Variants in RPL3 observed in about 807,000 individuals in gnomAD.
The protein encoded by RPL3 is large ribosomal subunit protein uL3.
In RPL3, 3 loss-of-function variants were observed where a neutral mutation model predicts 46.0. That is an observed-to-expected ratio of 0.07 (90% confidence interval 0.03 to 0.17). The LOEUF (loss-of-function observed/expected upper bound fraction) is 0.17. RPL3 is among the 10% of genes least tolerant of loss of function. RPL3 has a pLI of 1.00. For missense variants in RPL3, 387 were observed against 532.7 expected, an observed-to-expected ratio of 0.73 and a Z score of 2.69; for synonymous variants, 224 against 190.8, an observed-to-expected ratio of 1.17 and a Z score of -1.43.
rs62228399 is a variant in RPL3 at position 39,314,146 on chromosome 22, G to A, written c.912C>T (p.Ser304=). ...TCTTGTCAGATAGGTCATAGTCAGT[G>A]GAGGCATTGTTCTTGATCAGCTTGC... ...KDGKLIKNNA[S]TDYDLSDKSI... Residue 304 remains serine (S), a synonymous_variant, in exon 7 of 10, where the codon TCC becomes TCT. Coordinates refer to ENST00000216146, the MANE Select transcript of RPL3 (RefSeq NM_000967.4). 11 of 1,613,370 alleles carry A rather than the reference G, an allele frequency of 6.8e-6. No homozygotes were observed. In the East Asian group the frequency reaches 2.5e-4, roughly 36 times the overall value.
intron 2 of RPL3, 157 bp from the exon 3 acceptor site, chr22:39,317,786 A>AAT: frequency 2.8e-6 from 2 of 721,326 alleles, no homozygotes; most frequent in Non-Finnish European, 4.6e-6. Flanking sequence ...CCTATCTCTC[A>AAT]TTCAAAGCAC....
chr22:39,316,533 C>T (rs1922700688), intron 4 of RPL3, among the ~76,000 whole-genome samples, 173 bp downstream of exon 4: 1 of 152,164 alleles, frequency 6.6e-6, no homozygotes, highest in African/African-American at 2.4e-5. Context: ...TGGTGAGTCA[C>T]CAGTTGAATT....
At chr22:39,314,616 G>A in intron 6 of RPL3, 70 bp downstream of exon 6, 1 of 1,515,042 alleles carries the variant, frequency 6.6e-7, no homozygotes, top group Non-Finnish European at 8.9e-7. Flanking sequence ...AGCACTGACA[G>A]GCACAGAAAC....
rs201831569 is a variant in RPL3 at position 39,319,587 on chromosome 22, A to G, written c.3+8T>C. ...TGACAATGAAACGGCCGCCATTACAACACATACCATCACGCCATCAAATCC... is the reference window on the plus strand; with the variant it reads ...TGACAATGAAACGGCCGCCATTACAGCACATACCATCACGCCATCAAATCC... On this transcript the variant is annotated splice_region_variant and intron_variant, in intron 1 of 9. Transcript: ENST00000216146. The G allele has an allele frequency of 3.2e-6, 5 of 1,565,500 alleles. No homozygotes were observed.
intron 3 of RPL3, 109 bp from the exon 4 acceptor site, chr22:39,316,950 C>T: frequency 3.2e-6 from 5 of 1,566,152 alleles, no homozygotes; most frequent in South Asian, 1.1e-5. Flanking sequence ...GAGCTCATTG[C>T]CGGCTTCTAA....
intron 4 of RPL3, 131 bp downstream of exon 4, chr22:39,316,575 A>T (rs535454418): frequency 2.6e-4 from 305 of 1,159,300 alleles, no homozygotes; most frequent in Non-Finnish European, 3.2e-4. Flanking sequence ...GCTAAGGGCC[A>T]GTAAGGACAC....
At chr22:39,317,720 G>A (rs747267855) in intron 2 of RPL3, 91 bp from the exon 3 acceptor site, 20 of 1,479,428 alleles carry the variant, frequency 1.4e-5, no homozygotes, top group African/African-American at 5.6e-5. Context: ...CATTTAGGCC[G>A]GAAGGGCAAC....
rs1002052109 is a variant in RPL3 at position 39,316,707 on chromosome 22, T to C, written c.500A>G (p.Gln167Arg). The C allele has an allele frequency of 6.2e-7, 1 of 1,612,110 alleles. No individual in the cohort carries two copies. Among genetic ancestry groups the C allele is most frequent in the Non-Finnish European group, 8.5e-7 (1 of 1,179,850 alleles). The change falls in exon 4 of 10, where the codon CAG becomes CGG. Residue 167 changes from glutamine (Q) to arginine (R), a missense_variant and splice_region_variant. By Grantham distance (43) the Gln-to-Arg change is conservative. Transcript: ENST00000216146. ...GCCACCCCGGGGCACTGGGCTCACC[T>C]GGGTGTGGGCAATGACACGGATGAC... is the stretch of plus-strand genomic sequence containing the variant. ...CQVIRVIAHT[Q>R]MRLLPLRQKK...
chr22:39,318,159 T>C, intron 2 of RPL3: 1 of 494,850 alleles, frequency 2.0e-6, no homozygotes, highest in East Asian at 3.7e-5. Flanking sequence ...CTGGCAAATT[T>C]ACTATGCTCT....
Position 39,314,685 on chromosome 22 carries a change from CCTT to C in RPL3, c.847_849del (p.Lys283del). 3 of 1,611,764 alleles carry C rather than the reference CCTT, an allele frequency of 1.9e-6. No individual in the cohort carries two copies. Among genetic ancestry groups the C allele is most frequent in the Non-Finnish European group, 2.5e-6 (3 of 1,179,090 alleles). On this transcript the variant is annotated inframe_deletion and splice_region_variant, in exon 6 of 10. Transcript: ENST00000216146. ...CCAGGGAGCCACTCTCAGAACCTCA[CCTT>C]CTTGTTGATCTCAGTGCGGTGATGG...
chr22:39,313,670 C>A lies in RPL3; in HGVS notation c.1011G>T (p.Val337=). The A allele has an allele frequency of 6.2e-7, 1 of 1,614,070 alleles. No individual in the cohort carries two copies. Among genetic ancestry groups the A allele is most frequent in the Non-Finnish European group, 8.5e-7 (1 of 1,180,032 alleles). The change falls in exon 8 of 10, where the codon GTG becomes GTT. Residue 337 remains valine (V), a synonymous_variant. Transcript: ENST00000216146. ...TNDFVMLKGC[V]VGTKKRVLTL... is the part of the protein sequence containing the mutation. ...TGAGCACCCGCTTCTTGGTTCCCACCACACAGCCTTTCAGCATGACAAAGT... is the reference window on the plus strand; with the variant it reads ...TGAGCACCCGCTTCTTGGTTCCCACAACACAGCCTTTCAGCATGACAAAGT...
At position 39,318,575 on chromosome 22, in the gene RPL3, G is replaced by A. The variant is rs61737929; in HGVS notation, c.21C>T (p.Ser7=). 9,023 of 1,610,764 alleles carry A rather than the reference G, an allele frequency of 5.6e-3. 266 individuals are homozygous for A. In the Admixed American group the frequency reaches 0.07, roughly 13 times the overall value. The change falls in exon 2 of 10, where the codon TCC becomes TCT. Residue 7 remains serine, a synonymous_variant. Coordinates refer to ENST00000216146, the MANE Select transcript of RPL3 (RefSeq NM_000967.4). ...AGCCGAGGGACCCATGTCTGGGAGC[G>A]GAGAACTTTCTGTGAGACTAGGTGG... MSHRKF[S]APRHGSLGFL...
chr22:39,318,840 T>TA (rs1208514392), intron 1 of RPL3, among the ~76,000 whole-genome samples: 1 of 152,204 alleles, frequency 6.6e-6, no homozygotes, highest in Non-Finnish European at 1.5e-5. Context: ...CCATTTTTTT[T>TA]ATCTAACCAC....
intron 1 of RPL3, 159 bp from the exon 2 acceptor site, chr22:39,318,751 C>A (rs1003547319): frequency 3.3e-5 from 21 of 637,666 alleles, no homozygotes; most frequent in African/African-American, 2.0e-4. Context: ...CAGGCTCGCA[C>A]GTGTCAAGAA....
intron 3 of RPL3, 83 bp downstream of exon 3, chr22:39,317,378 A>G (rs1922766769): frequency 1.4e-6 from 2 of 1,479,300 alleles, no homozygotes; most frequent in Non-Finnish European, 1.8e-6. Flanking sequence ...CCTGCTACAG[A>G]GCTGAGAAAC....
intron 4 of RPL3, 24 bp from the exon 5 acceptor site, chr22:39,315,579 A>G (rs1309557179): frequency 7.4e-6 from 12 of 1,612,272 alleles, no homozygotes; most frequent in Non-Finnish European, 1.0e-5. Flanking sequence ...GACACAGCTC[A>G]GCTCCAGCTG....
intron 4 of RPL3, among the ~76,000 whole-genome samples, chr22:39,316,402 G>C (rs1471668263): frequency 6.6e-6 from 1 of 152,182 alleles, no homozygotes; most frequent in Non-Finnish European, 1.5e-5. Context: ...CCAGTAACAG[G>C]ACAGCAAGAG....
At chr22:39,318,927 G>T (rs1922873348) in intron 1 of RPL3, 5 of 489,520 alleles carry the variant, frequency 1.0e-5, no homozygotes, top group South Asian at 7.6e-5. Flanking sequence ...GGTTTTGACC[G>T]CTAAAGAAAG....
In RPL3 at chr22:39,317,468, T is replaced by C. The variant is rs920177617; in HGVS notation, c.358A>G (p.Lys120Glu). ...ISDECKRRFYKNWHKSKKKAF... is the reference protein window; with the variant it reads ...ISDECKRRFYENWHKSKKKAF... ...CATGGCCTCCTCCCTTACCAATTCT[T>C]ATAGAAACGCCTCTTGCATTCATCA... is the stretch of plus-strand genomic sequence containing the variant. The change falls in exon 3 of 10, where the codon AAG becomes GAG. Residue 120 changes from lysine (K) to glutamate (E), a missense_variant. Lys to Glu is a moderately conservative substitution (Grantham distance 56, BLOSUM62 1). Coordinates refer to ENST00000216146, the MANE Select transcript of RPL3 (RefSeq NM_000967.4). 5 of 1,613,404 alleles carry C rather than the reference T, an allele frequency of 3.1e-6. No individual in the cohort carries two copies. In the African/African-American group the frequency reaches 5.3e-5, roughly 17 times the overall value.
Sources: gnomAD v4.1 joint callset for allele counts (sites outside exome capture counted in the v4.1 genomes callset) on GRCh38, gnomAD v4.1.1 for gene constraint, MANE v1.5 for transcripts, NCBI Gene and HGNC (gene_info 2026-07-23, HGNC 2026-07-21) for gene names.